The following ODAD2 variants were observed in gnomAD, a reference collection of about 807,000 sequenced individuals.
ODAD2 encodes the protein outer dynein arm docking complex subunit 2, also known as outer dynein arm-docking complex subunit 2.
Under a neutral mutation model 106.8 loss-of-function variants are expected in ODAD2, and 89 were observed. That is an observed-to-expected ratio of 0.83 (90% CI 0.70 to 0.99). ODAD2 has a LOEUF of 0.99. Among genes scored for constraint, ODAD2 ranks in the 50% least tolerant of loss-of-function variants. The probability of loss-of-function intolerance (pLI) is 0.00; values close to 1 mark genes in which losing one functional copy is unlikely to be tolerated. For missense variants in ODAD2, 1,168 were observed against 1,238.5 expected (o/e 0.94, Z 0.85); for synonymous variants, 404 against 436.2 (o/e 0.93, Z 0.92).
chr10:27,885,830 T>G (rs1210904516), intron 17 of ODAD2, among the ~76,000 whole-genome samples: 1 of 93,662 alleles, frequency 1.1e-5, no homozygotes, highest in African/African-American at 4.4e-5. Flanking sequence ...AATATATAAA[T>G]ATATATATTT....
At chr10:27,842,681 A>G (rs1838399448) in intron 19 of ODAD2, among the ~76,000 whole-genome samples, 1 of 152,174 alleles carries the variant, frequency 6.6e-6, no homozygotes, top group Admixed American at 6.5e-5. Context: ...CCACAGTAAA[A>G]TCTTTAAATT....
chr10:27,874,349 A>G (rs966778678), intron 17 of ODAD2, among the ~76,000 whole-genome samples: 1 of 152,092 alleles, frequency 6.6e-6, no homozygotes. Flanking sequence ...CATTTAGTCT[A>G]TTTACATTTA....
chr10:27,833,334 T>C (rs1379893811), intron 19 of ODAD2, among the ~76,000 whole-genome samples: 1 of 151,824 alleles, frequency 6.6e-6, no homozygotes, highest in Non-Finnish European at 1.5e-5. Flanking sequence ...TACTTCGCAA[T>C]GATTGCCTGT....
chr10:27,974,703 T>TG (rs1849081769), intron 7 of ODAD2, among the ~76,000 whole-genome samples: 4 of 151,388 alleles, frequency 2.6e-5, no homozygotes, highest in Admixed American at 1.3e-4. Context: ...TTTTTTTTTT[T>TG]GCTTAGGATT....
chr10:27,974,256 G>A (rs1849043376), intron 7 of ODAD2, among the ~76,000 whole-genome samples: 1 of 152,140 alleles, frequency 6.6e-6, no homozygotes, highest in African/African-American at 2.4e-5. Flanking sequence ...AGTTTGCTGT[G>A]CAGAAGCTCT....
intron 19 of ODAD2, among the ~76,000 whole-genome samples, chr10:27,847,600 G>A (rs1838879303): frequency 6.6e-6 from 1 of 151,934 alleles, no homozygotes; most frequent in African/African-American, 2.4e-5. Context: ...AGAAATAAAG[G>A]GTATTCAATT....
intron 19 of ODAD2, among the ~76,000 whole-genome samples, chr10:27,838,977 T>A (rs544102783): frequency 6.6e-6 from 1 of 152,212 alleles, no homozygotes; most frequent in East Asian, 1.9e-4. Flanking sequence ...CATCATCTTA[T>A]GCCAATCTAA....
intron 10 of ODAD2, chr10:27,958,719 A>C (rs1847900515): frequency 1.8e-6 from 1 of 568,564 alleles, no homozygotes; most frequent in Non-Finnish European, 2.6e-6. Context: ...CTTTGTGCTA[A>C]GCACTTTACA....
intron 17 of ODAD2, among the ~76,000 whole-genome samples, chr10:27,884,657 C>T (rs768463119): frequency 2.6e-5 from 4 of 152,144 alleles, no homozygotes; most frequent in Non-Finnish European, 5.9e-5. Flanking sequence ...AGGGTAGATA[C>T]TGTGGCCTAG....
intron 7 of ODAD2, among the ~76,000 whole-genome samples, chr10:27,972,867 G>C (rs555356799): frequency 6.6e-6 from 1 of 151,986 alleles, no homozygotes; most frequent in African/African-American, 2.4e-5. Context: ...CATCAGTAAT[G>C]ATATAGAAGA....
In ODAD2 at chr10:27,987,622, G is replaced by A. The variant is rs1433783147; in HGVS notation, c.225-79C>T. 6.3e-6 allele frequency: 6 copies of A among 950,652 alleles called. No individual in the cohort carries two copies. In the East Asian group the frequency reaches 1.6e-4, roughly 25 times the overall value. 58.9% of individuals were successfully genotyped at this position (950,652 alleles called of 1,614,324 possible). A position where few individuals can be genotyped will look rare whatever the true frequency, so the allele number is the denominator to read the frequency against. ...AAGTTAAATTTAAGACATTTAGACA[G>A]ATTATTCCTATATCTCATTATAAAA... On this transcript the variant is annotated intron_variant, in intron 2 of 19. Transcript: ENST00000305242.
At chr10:27,858,907 G>A (rs7076149) in intron 19 of ODAD2, among the ~76,000 whole-genome samples, 18,374 of 150,676 alleles carry the variant, frequency 0.12, 1,721 homozygotes, top group East Asian at 0.42. Context: ...AGGTTCAAGC[G>A]ATTCTCCTGC....
At chr10:27,863,474 T>C (rs569081941) in intron 17 of ODAD2, among the ~76,000 whole-genome samples, 1 of 152,318 alleles carries the variant, frequency 6.6e-6, no homozygotes, top group African/African-American at 2.4e-5. Flanking sequence ...TGTCCAAGAA[T>C]GACCATATTG....
intron 8 of ODAD2, among the ~76,000 whole-genome samples, chr10:27,970,415 T>A (rs866249763): frequency 2.6e-5 from 4 of 152,162 alleles, no homozygotes; most frequent in Middle Eastern, 3.2e-3. Context: ...TCCCAGTGCT[T>A]ACTTAACCAG....
chr10:27,848,299 C>T (rs895634167), intron 19 of ODAD2, among the ~76,000 whole-genome samples: 3 of 152,128 alleles, frequency 2.0e-5, no homozygotes, highest in African/African-American at 7.2e-5. Flanking sequence ...TTTGACAAAC[C>T]TGACAAAAAT....
chr10:27,984,740 T>C (rs1486403971), intron 4 of ODAD2, among the ~76,000 whole-genome samples: 1 of 152,156 alleles, frequency 6.6e-6, no homozygotes, highest in Non-Finnish European at 1.5e-5. Flanking sequence ...AATAAATGAA[T>C]CCCAGGAAAA....
At chr10:27,980,703 T>C (rs2133090182) in intron 7 of ODAD2, among the ~76,000 whole-genome samples, 1 of 152,272 alleles carries the variant, frequency 6.6e-6, no homozygotes, top group Non-Finnish European at 1.5e-5. Context: ...GTGAAGAAAG[T>C]GGAATCTTTG....
chr10:27,846,843 G>A (rs1229131263), intron 19 of ODAD2, among the ~76,000 whole-genome samples: 1 of 151,320 alleles, frequency 6.6e-6, no homozygotes, highest in Non-Finnish European at 1.5e-5. Context: ...ATAAATTCCT[G>A]GACACATACA....
chr10:27,935,265 T>C lies in ODAD2; in HGVS notation c.2253-13A>G, dbSNP rs200311436. On this transcript the variant is annotated splice_polypyrimidine_tract_variant and intron_variant, in intron 15 of 19. Transcript: ENST00000305242. ...GTATTCCCGAAACCTAAGTTCATCA[T>C]AAGAAAGAGGAGAATTGGTTTTTGT... 13 of 1,612,746 alleles carry C rather than the reference T, an allele frequency of 8.1e-6. No individual in the cohort carries two copies. The highest frequency in any genetic ancestry group is 2.2e-5 in the East Asian group (1 of 44,846).
Sources: gnomAD v4.1 joint callset for allele counts (sites outside exome capture counted in the v4.1 genomes callset) on GRCh38, gnomAD v4.1.1 for gene constraint, MANE v1.5 for transcripts, NCBI Gene and HGNC (gene_info 2026-07-23, HGNC 2026-07-21) for gene names.